COQ8A: variants seen among roughly 807,000 people sequenced by gnomAD.
The protein encoded by COQ8A is coenzyme Q8A, also known as atypical kinase COQ8A, mitochondrial.
Under a neutral mutation model 65.0 loss-of-function variants are expected in COQ8A, and 51 were observed. That is an observed-to-expected ratio of 0.78 (90% CI 0.63 to 0.99). The LOEUF (loss-of-function observed/expected upper bound fraction) is 0.99, where lower values mean the gene tolerates loss of function less well. COQ8A is among the 50% of genes least tolerant of loss of function. The pLI is 0.00. For missense variants in COQ8A, 940 were observed against 875.0 expected, an observed-to-expected ratio of 1.07 and a Z score of -0.94; for synonymous variants, 371 against 353.2, an observed-to-expected ratio of 1.05 and a Z score of -0.57.
intron 2 of COQ8A, among the ~76,000 whole-genome samples, chr1:226,964,717 C>T (rs867391866): frequency 2.0e-5 from 3 of 152,232 alleles, no homozygotes; most frequent in Non-Finnish European, 2.9e-5. Context: ...GAACCCGCTG[C>T]GGGCGTAGTG....
At chr1:226,963,424 G>C (rs79785587) in intron 2 of COQ8A, among the ~76,000 whole-genome samples, 3,116 of 150,936 alleles carry the variant, frequency 0.021, 120 homozygotes, top group African/African-American at 0.072. Context: ...GGGTCCCTTC[G>C]GGGCCCTGGG....
At position 226,986,489 on chromosome 1, in the gene COQ8A, CT is replaced by C; in HGVS notation, c.1697del (p.Leu566ArgfsTer25). 1 of 1,613,478 alleles carries C rather than the reference CT, an allele frequency of 6.2e-7. No homozygotes were observed. Among genetic ancestry groups the C allele is most frequent in the Non-Finnish European group, 8.5e-7 (1 of 1,180,014 alleles). On this transcript the variant is annotated frameshift_variant, in exon 15 of 15. Coordinates refer to ENST00000366777, the MANE Select transcript of COQ8A (RefSeq NM_020247.5). LOFTEE classifies it high-confidence loss of function. ...EDAHLDAILI[L>X]GEAFASDEPF... ...CGCCCACTTGGATGCCATCCTCATC[CT>C]GGGGGAGGCCTTCGCCTCTGATGAG... is the stretch of plus-strand genomic sequence containing the variant.
chr1:226,984,604 G>C lies in COQ8A; in HGVS notation c.1455G>C (p.Met485Ile). 1 of 1,614,178 alleles carries C rather than the reference G, an allele frequency of 6.2e-7. No homozygotes were observed. Among genetic ancestry groups the C allele is most frequent in the Non-Finnish European group, 8.5e-7 (1 of 1,180,026 alleles). The change falls in exon 12 of 15, where the codon ATG becomes ATC. Residue 485 changes from methionine to isoleucine, a missense_variant. Physicochemically the swap from Met to Ile is conservative, Grantham distance 10 (BLOSUM62 1). Coordinates refer to ENST00000366777, the MANE Select transcript of COQ8A (RefSeq NM_020247.5). ...GGGAGCTGTTCGAGTTCCACTTCAT[G>C]CAAACAGACCCCAACTGGTCCAACT... ...CLRELFEFHF[M>I]QTDPNWSNFF...
rs143259379 is a variant in COQ8A, at chr1:226,964,255, G to A, written c.178-745G>A. Among the ~76,000 whole-genome samples the A allele has an allele frequency of 8.1e-4, 123 of 152,304 alleles. No homozygotes were observed. In the Middle Eastern group the frequency reaches 0.01, roughly 13 times the overall value. The stretch of plus-strand genomic sequence containing the variant: ...GTGCTGTTTCCTGGCCCTGTCTGTG[G>A]CCTCCAGTAACTGTGACTGTGAGGA... On this transcript the variant is annotated intron_variant, in intron 2 of 14. Coordinates refer to ENST00000366777, the MANE Select transcript of COQ8A (RefSeq NM_020247.5).
At chr1:226,975,563 G>A (rs1659141023) in intron 4 of COQ8A, among the ~76,000 whole-genome samples, 1 of 152,192 alleles carries the variant, frequency 6.6e-6, no homozygotes. Context: ...AATTCATTTT[G>A]CATGTTTCTT....
rs371235553 is a variant in COQ8A at position 226,980,961 on chromosome 1, C to T, written c.731-1066C>T. Among the ~76,000 whole-genome samples, 87 of 152,326 alleles carry T rather than the reference C, an allele frequency of 5.7e-4. 1 individual carries two copies. The South Asian group carries it at 0.017, about 29-fold the overall frequency. On this transcript the variant is annotated intron_variant, in intron 5 of 14. Transcript: ENST00000366777. ...GCTGGGGACCTGGCTCCGTGCCACC[C>T]GAGCGCTGTGCCAGGCCTGAAGTGA...
At chr1:226,985,722 A>G (rs1027480471) in intron 14 of COQ8A, among the ~76,000 whole-genome samples, 2 of 152,184 alleles carry the variant, frequency 1.3e-5, no homozygotes, top group African/African-American at 4.8e-5. Flanking sequence ...AATAAAGGGG[A>G]ACGGTCTGTG....
At chr1:226,952,411 A>G (rs1657439702) in intron 1 of COQ8A, among the ~76,000 whole-genome samples, 3 of 152,088 alleles carry the variant, frequency 2.0e-5, no homozygotes, top group Admixed American at 2.0e-4. Context: ...TATTTTATTT[A>G]TCTTTTATTT....
chr1:226,981,302 C>T (rs1659670234), intron 5 of COQ8A, among the ~76,000 whole-genome samples: 2 of 152,226 alleles, frequency 1.3e-5, no homozygotes, highest in East Asian at 1.9e-4. Context: ...GGCCACACGC[C>T]TGCTGGCAGT....
intron 1 of COQ8A, among the ~76,000 whole-genome samples, chr1:226,957,315 G>A (rs1466042523): frequency 1.1e-5 from 1 of 93,858 alleles, no homozygotes; most frequent in Non-Finnish European, 2.0e-5. Flanking sequence ...TTCACACTTT[G>A]CCCAGAAGAA....
rs375627978 is a variant in COQ8A, at chr1:226,965,733, C to T, written c.651C>T (p.Phe217=). ...PVTRIGRLAN[F]GGLAVGLGFG... is the part of the protein sequence containing the mutation. ...CGAGGATTGGCCGGCTGGCCAACTT[C>T]GGAGGTAAGGTGGCTGTGTGCCCCT... The change falls in exon 4 of 15, where the codon TTC becomes TTT. Residue 217 remains phenylalanine (F), a synonymous_variant. Coordinates refer to ENST00000366777, the MANE Select transcript of COQ8A (RefSeq NM_020247.5). 2.4e-5 allele frequency: 39 copies of T among 1,613,558 alleles called. No homozygotes were observed. Among genetic ancestry groups the T allele is most frequent in the South Asian group, 3.3e-5 (3 of 91,074 alleles).
In COQ8A at chr1:226,985,305, A is replaced by G; in HGVS notation, c.1624A>G (p.Ile542Val). 2 of 1,613,774 alleles carry G rather than the reference A, an allele frequency of 1.2e-6. No individual in the cohort carries two copies. The highest frequency in any genetic ancestry group is 8.5e-7 in the Non-Finnish European group (1 of 1,179,990). The change falls in exon 14 of 15, where the codon ATA becomes GTA. Residue 542 changes from isoleucine to valine, a missense_variant. By Grantham distance (29) the Ile-to-Val change is conservative (BLOSUM62 3). Transcript: ENST00000366777. ...CAGGGAGACTGTGCGGGCGAAATCCATAGAGATGAAGTTCCTCACCGGCTA... is the reference window on the plus strand; with the variant it reads ...CAGGGAGACTGTGCGGGCGAAATCCGTAGAGATGAAGTTCCTCACCGGCTA... Reference protein sequence around the residue: ...RDRETVRAKSIEMKFLTGYEV... With the variant: ...RDRETVRAKSVEMKFLTGYEV...
rs774133762 is a variant in COQ8A at position 226,982,089 on chromosome 1, C to G, written c.793C>G (p.Arg265Gly). 17 of 1,612,390 alleles carry G rather than the reference C, an allele frequency of 1.1e-5. No homozygotes were observed. Among genetic ancestry groups the G allele is most frequent in the Non-Finnish European group, 1.4e-5 (17 of 1,179,852 alleles). ...CGAGGCCAATGCAGAGCGGATCGTG[C>G]GCACGCTCTGCAAGGTGCGTGGTGC... The part of the protein sequence containing the change: ...LSEANAERIV[R>G]TLCKVRGAAL... Residue 265 changes from arginine to glycine, a missense_variant, in exon 6 of 15, where the codon CGC becomes GGC. Transcript: ENST00000366777.
chr1:226,955,484 GCCAC>G (rs1657641812), intron 1 of COQ8A, among the ~76,000 whole-genome samples: 1 of 90,334 alleles, frequency 1.1e-5, no homozygotes. Flanking sequence ...CTCCCTGGCT[GCCAC>G]TCTCTCTGGC....
chr1:226,943,130 G>A (rs1462505655), intron 1 of COQ8A, among the ~76,000 whole-genome samples: 1 of 152,204 alleles, frequency 6.6e-6, no homozygotes. Context: ...GGATCAGGAA[G>A]GAAGGTCACT....
intron 5 of COQ8A, among the ~76,000 whole-genome samples, chr1:226,981,509 G>C (rs767062980): frequency 6.6e-6 from 1 of 152,244 alleles, no homozygotes; most frequent in Admixed American, 6.5e-5. Context: ...TGGCCTGAGC[G>C]CCGTTCCCTT....
At chr1:226,976,121 TGGCTGTGGGGCTGCGG>T (rs1558198515) in intron 4 of COQ8A, among the ~76,000 whole-genome samples, 5 of 134,350 alleles carry the variant, frequency 3.7e-5, no homozygotes, top group Admixed American at 7.5e-5. Flanking sequence ...CGATGTTGCC[TGGCTGTGGGGCTGCGG>T]GACTGCGGGG....
In COQ8A at chr1:226,965,131, G is replaced by A. The variant is rs1268268386; in HGVS notation, c.309G>A (p.Ala103=). The A allele has an allele frequency of 5.0e-6, 8 of 1,613,820 alleles. No homozygotes were observed. The Admixed American group carries it at 1.0e-4, about 20-fold the overall frequency. The change falls in exon 3 of 15, where the codon GCG becomes GCA. Residue 103 remains alanine (A), a synonymous_variant. Coordinates refer to ENST00000366777, the MANE Select transcript of COQ8A (RefSeq NM_020247.5). ...FSSASAPDQS[A]PPSLGHAHSE... is the part of the protein sequence containing the mutation. ...CAGCCTCCGCTCCCGACCAGTCAGC[G>A]CCCCCATCCCTGGGTCATGCCCACA...
chr1:226,945,913 A>G (rs1657012546), intron 1 of COQ8A, among the ~76,000 whole-genome samples: 1 of 152,294 alleles, frequency 6.6e-6, no homozygotes, highest in Admixed American at 6.5e-5. Flanking sequence ...TTGCTCCTGT[A>G]AAAATCACTT....
Sources: allele counts gnomAD v4.1 joint callset (sites outside exome capture counted in the v4.1 genomes callset), GRCh38; gene constraint gnomAD v4.1.1; transcripts MANE v1.5; gene names NCBI Gene and HGNC (gene_info 2026-07-23, HGNC 2026-07-21).